Variants in DMKN observed in about 807,000 individuals in gnomAD.
The protein encoded by DMKN is epidermis-specific secreted protein SK30/SK89.
In DMKN, 58 loss-of-function variants were observed where a neutral mutation model predicts 67.6. The ratio of observed to expected loss-of-function variants is 0.86; its 90% confidence interval spans 0.69 to 1.07. DMKN has a LOEUF of 1.07. DMKN is among the 50% of genes least tolerant of loss of function. The pLI, the probability that DMKN is intolerant of heterozygous loss-of-function variation, is 0.00. For missense variants in DMKN, 596 were observed against 601.5 expected, an observed-to-expected ratio of 0.99 and a Z score of 0.10; for synonymous variants, 240 against 232.3, an observed-to-expected ratio of 1.03 and a Z score of -0.30.
In DMKN at chr19:35,513,180, A is replaced by G. The variant is rs764183219; in HGVS notation, c.296T>C (p.Val99Ala). Residue 99 changes from valine (V) to alanine (A), a missense_variant, in exon 1 of 16, where the codon GTC becomes GCC. By Grantham distance (64) the Val-to-Ala change is moderately conservative (BLOSUM62 0). Coordinates refer to ENST00000339686, the MANE Select transcript of DMKN (RefSeq NM_033317.5). Reference protein sequence around the residue: ...FGVADALGNRVGEAAHALGNT... With the variant: ...FGVADALGNRAGEAAHALGNT... The stretch of plus-strand genomic sequence containing the variant: ...TCCCAGAGCATGGGCTGCTTCCCCG[A>G]CCCTGTTGCCCAAAGCATCTGCTAC... 1.2e-6 allele frequency: 2 copies of G among 1,614,008 alleles called. No homozygotes were observed. Among genetic ancestry groups the G allele is most frequent in the Middle Eastern group, 1.6e-4 (1 of 6,062 alleles).
intron 9 of DMKN, among the ~76,000 whole-genome samples, chr19:35,503,638 G>T (rs2068862028): frequency 6.6e-6 from 1 of 152,044 alleles, no homozygotes; most frequent in African/African-American, 2.4e-5. Context: ...ACCACGCCTG[G>T]CTAATTTTTG....
chr19:35,500,084 C>A, intron 12 of DMKN, 55 bp from the exon 13 acceptor site: 1 of 1,589,302 alleles, frequency 6.3e-7, no homozygotes, highest in Non-Finnish European at 8.6e-7. Context: ...CCATTTTGCT[C>A]TGGAATAAAC....
At chr19:35,512,010 T>C (rs1277575268) in intron 3 of DMKN, among the ~76,000 whole-genome samples, 197 bp from the exon 4 acceptor site, 1 of 149,224 alleles carries the variant, frequency 6.7e-6, no homozygotes, top group Non-Finnish European at 1.5e-5. Flanking sequence ...TTTTTTTTTT[T>C]TTTTTGAGAC....
At position 35,503,304 on chromosome 19, in the gene DMKN, T is replaced by C. The variant is rs933371807; in HGVS notation, c.1135-418A>G. ...GTAAGAAAGGAGCAGAGGCCAGGAG[T>C]GTGGGGCAGCTAAGGTTTATTTCAA... is the stretch of plus-strand genomic sequence containing the variant. On this transcript the variant is annotated intron_variant, in intron 9 of 15. Coordinates refer to ENST00000339686, the MANE Select transcript of DMKN (RefSeq NM_033317.5). The C allele has an allele frequency of 6.6e-6, 10 of 1,524,140 alleles. No homozygotes were observed. The African/African-American group carries it at 9.9e-5, about 15-fold the overall frequency. The allele number at this position is 1,524,140 out of a possible 1,614,324, so 94.4% of individuals were successfully genotyped here. A position where few individuals can be genotyped will look rare whatever the true frequency, so the allele number is the denominator to read the frequency against.
intron 3 of DMKN, 30 bp from the exon 4 acceptor site, chr19:35,511,843 G>C (rs1187186434): frequency 1.2e-6 from 2 of 1,603,594 alleles, no homozygotes; most frequent in Admixed American, 3.4e-5. Context: ...GTGAGTTTGG[G>C]GACGGTGAGT....
At chr19:35,503,017 A>C in intron 9 of DMKN, 131 bp from the exon 10 acceptor site, 1 of 1,087,036 alleles carries the variant, frequency 9.2e-7, no homozygotes, top group Middle Eastern at 2.2e-4. Context: ...AGGAGCTGAG[A>C]GTCTTTAGGG....
intron 10 of DMKN, 92 bp downstream of exon 10, chr19:35,502,738 G>T: frequency 7.5e-7 from 1 of 1,330,466 alleles, no homozygotes; most frequent in Non-Finnish European, 1.1e-6. Context: ...TGAAACAGGT[G>T]GTTGGAGCAG....
At chr19:35,507,485 G>T in intron 7 of DMKN, 1 of 1,551,500 alleles carries the variant, frequency 6.4e-7, no homozygotes, top group East Asian at 2.4e-5. Flanking sequence ...AGCCTCCAAG[G>T]AGGCGATTGC....
chr19:35,512,331 C>T, intron 3 of DMKN, 90 bp downstream of exon 3: 2 of 1,523,774 alleles, frequency 1.3e-6, no homozygotes, highest in South Asian at 2.5e-5. Context: ...CCCTCCACTC[C>T]CCCATCTTGC....
chr19:35,506,596 G>C (rs1049146793), intron 7 of DMKN: 2 of 465,542 alleles, frequency 4.3e-6, no homozygotes, highest in Non-Finnish European at 8.6e-6. Context: ...ACTGAAGGCT[G>C]CGTGAGTCAG....
chr19:35,509,804 T>A, intron 7 of DMKN, 107 bp downstream of exon 7: 1 of 1,349,052 alleles, frequency 7.4e-7, no homozygotes, highest in Non-Finnish European at 1.0e-6. Flanking sequence ...GTCAGTTCCC[T>A]GCAGACAAGG....
At position 35,513,065 on chromosome 19, in the gene DMKN, G is replaced by A; in HGVS notation, c.411C>T (p.Gly137=). Residue 137 remains glycine (G), a synonymous_variant, in exon 1 of 16, where the codon GGC becomes GGT. Transcript: ENST00000339686. ...AGCCACTCACCCAAGCACCATTGTG[G>A]CCAGGCACCCCCTGCCAGGAGCCGC... The part of the protein sequence containing the change: ...AVRGSWQGVP[G]HNGAWETSGG... 1.2e-6 allele frequency: 2 copies of A among 1,613,578 alleles called. No individual in the cohort carries two copies. The highest frequency in any genetic ancestry group is 1.7e-6 in the Non-Finnish European group (2 of 1,180,006).
In DMKN at chr19:35,509,968, G is replaced by A. The variant is rs2146176460; in HGVS notation, c.988-7C>T. The A allele has an allele frequency of 6.2e-7, 1 of 1,614,068 alleles. No homozygotes were observed. Among genetic ancestry groups the A allele is most frequent in the Non-Finnish European group, 8.5e-7 (1 of 1,179,970 alleles). ...CATTCCCTGGCTTTTCACACTGCCGGGGAGAGAAAGGGGAGACTTTCCCTC... is the reference window on the plus strand; with the variant it reads ...CATTCCCTGGCTTTTCACACTGCCGAGGAGAGAAAGGGGAGACTTTCCCTC... On this transcript the variant is annotated splice_region_variant and splice_polypyrimidine_tract_variant and intron_variant, in intron 6 of 15. Coordinates refer to ENST00000339686, the MANE Select transcript of DMKN (RefSeq NM_033317.5).
In DMKN at chr19:35,505,990, T is replaced by C; in HGVS notation, c.1039-4A>G. ...TCCCAGGAGACGTCTCAGAGTTCTA[T>C]GGAACCAAGGAGATATGGGATGAGA... On this transcript the variant is annotated splice_polypyrimidine_tract_variant and splice_region_variant and intron_variant, in intron 7 of 15. Coordinates refer to ENST00000339686, the MANE Select transcript of DMKN (RefSeq NM_033317.5). The C allele has an allele frequency of 1.2e-6, 2 of 1,614,128 alleles. No homozygotes were observed. The highest frequency in any genetic ancestry group is 1.3e-5 in the African/African-American group (1 of 75,014).
chr19:35,502,742 G>T, intron 10 of DMKN, 88 bp downstream of exon 10: 1 of 1,369,398 alleles, frequency 7.3e-7, no homozygotes, highest in Non-Finnish European at 1.0e-6. Context: ...ACAGGTGGTT[G>T]GAGCAGAGGG....
rs1293746838 is a variant in DMKN at position 35,512,711 on chromosome 19, C to T, written c.506G>A (p.Gly169Glu). 4 of 1,614,170 alleles carry T rather than the reference C, an allele frequency of 2.5e-6. No homozygotes were observed. In the Admixed American group the frequency reaches 6.7e-5, roughly 27 times the overall value. The change falls in exon 2 of 16, where the codon GGG (glycine) becomes GAG (glutamate). Residue 169 changes from glycine (G) to glutamate (E), a missense_variant. By Grantham distance (98) the Gly-to-Glu change is moderately conservative. Transcript: ENST00000339686. ...GQGQGNPGGL[G>E]TPWVHGYPGN... ...GGGGTATCCGTGGACCCACGGAGTC[C>T]CCAGACCTCCAGGATTGCCCTGGCC...
At chr19:35,508,447 T>A (rs1445929513) in intron 7 of DMKN, 7 of 557,642 alleles carry the variant, frequency 1.3e-5, no homozygotes, top group Non-Finnish European at 2.2e-5. Flanking sequence ...TAAGTGAAGA[T>A]AAGAGGTAGA....
In DMKN at chr19:35,512,487, G is replaced by A; in HGVS notation, c.628-10C>T. 1.2e-6 allele frequency: 2 copies of A among 1,614,174 alleles called. No homozygotes were observed. The highest frequency in any genetic ancestry group is 1.7e-6 in the Non-Finnish European group (2 of 1,180,040). On this transcript the variant is annotated splice_polypyrimidine_tract_variant and intron_variant, in intron 2 of 15. Transcript: ENST00000339686. ...GCTGGGCCACAGCTCCCTGCAGAGA[G>A]GGTGAGACTGAGAGTAGGATCCAGA...
At chr19:35,498,647 G>A in intron 15 of DMKN, 69 bp downstream of exon 15, 1 of 1,602,484 alleles carries the variant, frequency 6.2e-7, no homozygotes, top group South Asian at 1.1e-5. Context: ...CCAAGATCCT[G>A]GCCCTGCCCC....
Sources: gnomAD v4.1 joint callset for allele counts (sites outside exome capture counted in the v4.1 genomes callset) on GRCh38, gnomAD v4.1.1 for gene constraint, MANE v1.5 for transcripts, NCBI Gene and HGNC (gene_info 2026-07-23, HGNC 2026-07-21) for gene names.